KCNB2: variants seen among roughly 807,000 people sequenced by gnomAD.
The protein encoded by KCNB2 is delayed rectifier potassium channel protein.
A neutral mutation model predicts 61.5 loss-of-function variants in KCNB2; 15 were observed. The observed-to-expected ratio is 0.24, with a 90% confidence interval of 0.16 to 0.38. KCNB2 has a LOEUF of 0.38. Ranked by LOEUF, KCNB2 falls within the 10% of genes least tolerant of loss-of-function variation. The probability of loss-of-function intolerance (pLI) is 1.00; values close to 1 mark genes in which losing one functional copy is unlikely to be tolerated. For synonymous variants in KCNB2, 457 were observed against 446.0 expected (o/e 1.02, Z -0.31); for missense variants, 828 against 1,125.2 (o/e 0.74, Z 3.78).
At chr8:72,830,288 G>A (rs1401552509) in intron 2 of KCNB2, among the ~76,000 whole-genome samples, 2 of 146,554 alleles carry the variant, frequency 1.4e-5, no homozygotes, top group African/African-American at 5.0e-5. Context: ...GAGAAGGAGA[G>A]AAGGAGACCT....
chr8:72,842,914 G>GTCTTTT (rs1809917969), intron 2 of KCNB2, among the ~76,000 whole-genome samples: 1 of 152,110 alleles, frequency 6.6e-6, no homozygotes, highest in Non-Finnish European at 1.5e-5. Context: ...TTTTTGAAGA[G>GTCTTTT]TTTTTTGTGT....
chr8:72,854,310 C>T (rs1208729060), intron 2 of KCNB2, among the ~76,000 whole-genome samples: 1 of 152,110 alleles, frequency 6.6e-6, no homozygotes, highest in Non-Finnish European at 1.5e-5. Flanking sequence ...AGATAATACA[C>T]AGGTATCAGT....
At chr8:72,812,003 T>C (rs1166304187) in intron 2 of KCNB2, among the ~76,000 whole-genome samples, 3 of 152,194 alleles carry the variant, frequency 2.0e-5, no homozygotes, top group Non-Finnish European at 4.4e-5. Context: ...GGCTCACGCC[T>C]GTAATCCCAG....
At chr8:72,671,789 C>T (rs1455311679) in intron 2 of KCNB2, among the ~76,000 whole-genome samples, 4 of 152,136 alleles carry the variant, frequency 2.6e-5, no homozygotes, top group African/African-American at 7.2e-5. Flanking sequence ...TGCACTTGCC[C>T]GCCTCTGTTT....
At chr8:72,917,256 A>T (rs1806418469) in intron 2 of KCNB2, among the ~76,000 whole-genome samples, 1 of 152,366 alleles carries the variant, frequency 6.6e-6, no homozygotes, top group Middle Eastern at 3.4e-3. Context: ...TACAGCAAAG[A>T]GAAACAAGGA....
intron 2 of KCNB2, among the ~76,000 whole-genome samples, chr8:72,729,166 G>A (rs564344195): frequency 6.6e-6 from 1 of 152,336 alleles, no homozygotes; most frequent in South Asian, 2.1e-4. Context: ...TTGTGGTAAA[G>A]ATGGTGTAAA....
At chr8:72,631,956 G>A (rs973802724) in intron 2 of KCNB2, among the ~76,000 whole-genome samples, 3 of 152,128 alleles carry the variant, frequency 2.0e-5, no homozygotes, top group Non-Finnish European at 4.4e-5. Context: ...GGTTAAGTGG[G>A]CTGGGCATGG....
At chr8:72,844,016 G>A (rs12541444) in intron 2 of KCNB2, among the ~76,000 whole-genome samples, 129,769 of 152,132 alleles carry the variant, frequency 0.85, 56,313 homozygotes, top group Middle Eastern at 0.97. Context: ...TAGTTGATGC[G>A]GTTTCTTCAT....
In KCNB2 at chr8:72,561,775, A is replaced by ATT. The variant is rs1246585636; in HGVS notation, c.-93-5866_-93-5865insTT. On this transcript the variant is annotated intron_variant, in intron 1 of 2. Coordinates refer to ENST00000523207, the MANE Select transcript of KCNB2 (RefSeq NM_004770.3). The stretch of plus-strand genomic sequence containing the variant: ...TATATATATATGGATATATATATAT[A>ATT]TGGATATATATATACATATATATAT... 1.5e-4 allele frequency among the ~76,000 whole-genome samples: 4 copies of ATT among 27,430 alleles called. 1 individual carries two copies. The highest frequency in any genetic ancestry group is 6.6e-4 in the African/African-American group (4 of 6,092). The allele number at this position is 27,430 out of a possible 152,430, so 18.0% of individuals were successfully genotyped here.
intron 2 of KCNB2, among the ~76,000 whole-genome samples, chr8:72,658,854 G>C (rs1281985409): frequency 6.6e-6 from 1 of 152,136 alleles, no homozygotes; most frequent in Non-Finnish European, 1.5e-5. Context: ...ATGGTTTACT[G>C]ACAATTTTAA....
chr8:72,702,286 C>A (rs144933495), intron 2 of KCNB2, among the ~76,000 whole-genome samples: 4 of 152,118 alleles, frequency 2.6e-5, no homozygotes, highest in Admixed American at 6.6e-5. Context: ...TCAGTTTCTT[C>A]CCTACCCTCC....
In KCNB2 at chr8:72,701,971, T is replaced by G. The variant is rs575256899; in HGVS notation, c.579+133658T>G. Among the ~76,000 whole-genome samples the G allele has an allele frequency of 2.1e-3, 319 of 152,310 alleles. 3 individuals carry two copies. Among genetic ancestry groups the G allele is most frequent in the African/African-American group, 7.2e-3 (300 of 41,556 alleles). ...ATTAACAATGATTATTTTTGAAAGA[T>G]TAAGATTACAGGAAATTTTAGCTTT... On this transcript the variant is annotated intron_variant, in intron 2 of 2. Coordinates refer to ENST00000523207, the MANE Select transcript of KCNB2 (RefSeq NM_004770.3).
intron 2 of KCNB2, among the ~76,000 whole-genome samples, chr8:72,897,306 G>A (rs1487621105): frequency 2.6e-5 from 4 of 152,050 alleles, no homozygotes; most frequent in Admixed American, 2.6e-4. Context: ...TGTTTCGTAT[G>A]CACAATAAAA....
intron 2 of KCNB2, among the ~76,000 whole-genome samples, chr8:72,645,596 C>T (rs72668163): frequency 0.029 from 4,405 of 152,248 alleles, 98 homozygotes; most frequent in Middle Eastern, 0.082. Context: ...TTCAAAGTAA[C>T]TTATGGGTGG....
At chr8:72,546,886 T>G (rs1467559027) in intron 1 of KCNB2, among the ~76,000 whole-genome samples, 1 of 152,212 alleles carries the variant, frequency 6.6e-6, no homozygotes, top group African/African-American at 2.4e-5. Flanking sequence ...TTAAACAGGC[T>G]TCTGTTGAAA....
At chr8:72,781,550 A>G (rs374030208) in intron 2 of KCNB2, among the ~76,000 whole-genome samples, 13 of 152,026 alleles carry the variant, frequency 8.6e-5, no homozygotes, top group Non-Finnish European at 1.5e-4. Context: ...TGAGATCTCT[A>G]TTCTGTTCCA....
At chr8:72,711,236 G>A (rs1807320505) in intron 2 of KCNB2, among the ~76,000 whole-genome samples, 1 of 152,232 alleles carries the variant, frequency 6.6e-6, no homozygotes, top group Non-Finnish European at 1.5e-5. Context: ...CTTGGCCAGA[G>A]CATCTGCATA....
At chr8:72,887,401 G>A (rs1805823980) in intron 2 of KCNB2, among the ~76,000 whole-genome samples, 1 of 152,152 alleles carries the variant, frequency 6.6e-6, no homozygotes, top group Non-Finnish European at 1.5e-5. Context: ...TAAACTTAGT[G>A]TACCAACCAG....
chr8:72,542,389 G>T lies in KCNB2; in HGVS notation c.-94+4504G>T, dbSNP rs1806202686. 2.0e-5 allele frequency among the ~76,000 whole-genome samples: 3 copies of T among 151,918 alleles called. No homozygotes were observed. The South Asian group carries it at 6.2e-4, about 32-fold the overall frequency. On this transcript the variant is annotated intron_variant, in intron 1 of 2. Transcript: ENST00000523207. ...ATAAAATTTCATTTTAAAAATTTGG[G>T]TATTTTAGAACTTGTAAACATTTCC...
Sources: allele counts gnomAD v4.1 joint callset (sites outside exome capture counted in the v4.1 genomes callset), GRCh38; gene constraint gnomAD v4.1.1; transcripts MANE v1.5; gene names NCBI Gene and HGNC (gene_info 2026-07-23, HGNC 2026-07-21).